Variants in TECTA observed in about 807,000 individuals in gnomAD.
TECTA encodes tectorin alpha.
TECTA carries 128 observed loss-of-function variants against 216.8 expected under a neutral mutation model. The ratio of observed to expected loss-of-function variants is 0.59; its 90% CI spans 0.51 to 0.68. The LOEUF (loss-of-function observed/expected upper bound fraction) is 0.68. TECTA is among the 30% of genes least tolerant of loss of function. The pLI, the probability that TECTA is intolerant of heterozygous loss-of-function variation, is 0.00. For synonymous variants in TECTA, 1,089 were observed against 1,117.1 expected (o/e 0.97, Z 0.50); for missense variants, 2,551 against 2,786.2 (o/e 0.92, Z 1.90).
intron 13 of TECTA, among the ~76,000 whole-genome samples, chr11:121,154,094 A>G (rs971863942): frequency 6.6e-6 from 1 of 152,260 alleles, no homozygotes; most frequent in African/African-American, 2.4e-5. Flanking sequence ...CCTATCAGCA[A>G]GTGAAAAATA....
rs648983 is a variant in TECTA at position 121,182,170 on chromosome 11, C to T, written c.6000-5662C>T. 3.1e-3 allele frequency among the ~76,000 whole-genome samples: 471 copies of T among 152,230 alleles called. 3 individuals carry two copies. Among genetic ancestry groups the T allele is most frequent in the African/African-American group, 0.011 (448 of 41,532 alleles). ...GGCCCCTGGGTGGCATTAACAAGCACTCATGGTAGAAGGTCTGGGTGGGCC... is the reference window on the plus strand; with the variant it reads ...GGCCCCTGGGTGGCATTAACAAGCATTCATGGTAGAAGGTCTGGGTGGGCC... On this transcript the variant is annotated intron_variant, in intron 20 of 23. Coordinates refer to ENST00000392793, the MANE Select transcript of TECTA (RefSeq NM_005422.4).
At position 121,191,183 on chromosome 11, in the gene TECTA, A is replaced by T. The variant is rs1947336892; in HGVS notation, c.*377A>T. The T allele has an allele frequency of 6.3e-6, 2 of 317,740 alleles. No homozygotes were observed. The highest frequency in any genetic ancestry group is 1.2e-5 in the Non-Finnish European group (2 of 165,230). 19.7% of individuals were successfully genotyped at this position (317,740 alleles called of 1,614,324 possible). A position where few individuals can be genotyped will look rare whatever the true frequency, so the allele number is the denominator to read the frequency against. ...CTATTTCTGGATCACAGTTTTTTAC[A>T]GAGAGAGGGCCTGTTGGAACGATTT... On this transcript the variant is annotated 3_prime_UTR_variant, in exon 24 of 24. Transcript: ENST00000392793.
At position 121,144,466 on chromosome 11, in the gene TECTA, G is replaced by A. The variant is rs1382594165; in HGVS notation, c.3544-1089G>A. ...CTAAGAGAGAGAGGAAGGAGGTTGG[G>A]GGAAGGGATTTCTGGTCAGAGAACA... On this transcript the variant is annotated intron_variant, in intron 11 of 23. Coordinates refer to ENST00000392793, the MANE Select transcript of TECTA (RefSeq NM_005422.4). Among the ~76,000 whole-genome samples the A allele has an allele frequency of 2.4e-4, 36 of 152,062 alleles. 1 individual carries two copies. The highest frequency in any genetic ancestry group is 2.4e-3 in the Admixed American group (36 of 15,278).
intron 21 of TECTA, 64 bp downstream of exon 21, chr11:121,188,058 G>A (rs1285269779): frequency 8.2e-6 from 13 of 1,585,228 alleles, no homozygotes; most frequent in Admixed American, 1.7e-5. Context: ...TTCCCAACAT[G>A]AGGATCGTGA....
intron 13 of TECTA, among the ~76,000 whole-genome samples, chr11:121,156,841 C>T (rs1159874015): frequency 2.0e-5 from 3 of 152,074 alleles, no homozygotes; most frequent in Non-Finnish European, 4.4e-5. Flanking sequence ...CAAAGTGACA[C>T]TGGGGAGGTG....
chr11:121,168,580 C>G (rs1947079311), intron 19 of TECTA, 97 bp from the exon 20 acceptor site: 1 of 1,596,000 alleles, frequency 6.3e-7, no homozygotes. Flanking sequence ...CTACTACGTG[C>G]TTTGCTTTCC....
chr11:121,190,025 A>G, intron 23 of TECTA, 145 bp downstream of exon 23: 3 of 702,420 alleles, frequency 4.3e-6, no homozygotes, highest in Non-Finnish European at 5.1e-6. Context: ...GATGGGGAAC[A>G]TGCCCAAGGA....
chr11:121,190,413 C>T lies in TECTA; in HGVS notation c.6368-293C>T, dbSNP rs1487730245. 3.3e-5 allele frequency among the ~76,000 whole-genome samples: 5 copies of T among 152,264 alleles called. No individual in the cohort carries two copies. In the East Asian group the frequency reaches 5.8e-4, roughly 18 times the overall value. Reference sequence around the variant, plus strand: ...CGGAGTAACTGGGACTACAGGCACACGCCACCACGCCCAGCTAATTTTTGT... The same window carrying T: ...CGGAGTAACTGGGACTACAGGCACATGCCACCACGCCCAGCTAATTTTTGT... On this transcript the variant is annotated intron_variant, in intron 23 of 23. Coordinates refer to ENST00000392793, the MANE Select transcript of TECTA (RefSeq NM_005422.4).
Position 121,105,124 on chromosome 11 carries a change from G to T in TECTA, c.65-707G>T, listed in dbSNP as rs192007220. ...TCACAGCGGGATGCAGTGTGTGTTT[G>T]TGTGATGGCTCTCCAGTGACCAGGA... On this transcript the variant is annotated intron_variant, in intron 2 of 23. Transcript: ENST00000392793. The surrounding 1 kb of genome is among the most constrained non-coding windows in gnomAD (Gnocchi z 5.3). Among the ~76,000 whole-genome samples the T allele has an allele frequency of 6.6e-6, 1 of 152,336 alleles. No individual in the cohort carries two copies. The highest frequency in any genetic ancestry group is 1.9e-4 in the East Asian group (1 of 5,188).
chr11:121,171,939 A>G (rs986157988), intron 20 of TECTA, among the ~76,000 whole-genome samples: 1 of 152,158 alleles, frequency 6.6e-6, no homozygotes, highest in African/African-American at 2.4e-5. Context: ...TAGGACTTCT[A>G]GTACTATGTT....
chr11:121,129,383 G>T (rs866799246), intron 9 of TECTA, among the ~76,000 whole-genome samples: 1 of 152,190 alleles, frequency 6.6e-6, no homozygotes, highest in Non-Finnish European at 1.5e-5. Context: ...TCACACTTTA[G>T]TTTCGTTTGT....
chr11:121,149,546 A>T (rs1459479122), intron 12 of TECTA, among the ~76,000 whole-genome samples: 1 of 152,166 alleles, frequency 6.6e-6, no homozygotes, highest in African/African-American at 2.4e-5. Flanking sequence ...TTGATGAGGG[A>T]GATATTATGA....
At chr11:121,107,827 T>C (rs550410652) in intron 3 of TECTA, among the ~76,000 whole-genome samples, 11 of 152,322 alleles carry the variant, frequency 7.2e-5, no homozygotes, top group Non-Finnish European at 1.5e-4. Context: ...CATTTACAAA[T>C]CATGAAGAAA....
At chr11:121,166,166 G>T (rs1233046223) in intron 17 of TECTA, among the ~76,000 whole-genome samples, 1 of 152,178 alleles carries the variant, frequency 6.6e-6, no homozygotes, top group Non-Finnish European at 1.5e-5. Context: ...GGGTTCTGCT[G>T]AGCTGAATCA....
chr11:121,181,599 A>G (rs1947230277), intron 20 of TECTA, among the ~76,000 whole-genome samples: 3 of 152,206 alleles, frequency 2.0e-5, no homozygotes, highest in South Asian at 4.1e-4. Flanking sequence ...CCTCCTGAGT[A>G]GCTGGGATTA....
rs769068137 is a variant in TECTA, at chr11:121,130,096, C to T, written c.2826C>T (p.Arg942=). The T allele has an allele frequency of 6.2e-7, 1 of 1,613,786 alleles. No homozygotes were observed. Among genetic ancestry groups the T allele is most frequent in the Admixed American group, 1.7e-5 (1 of 60,028 alleles). ...CCTATTACCGCACCTGCCTTTTCCG[C>T]CTGTGCCAGAGTGGGGGCAATGAGT... ...VTAYYRTCLF[R]LCQSGGNESE... Residue 942 remains arginine, a synonymous_variant, in exon 10 of 24, where the codon CGC becomes CGT. Coordinates refer to ENST00000392793, the MANE Select transcript of TECTA (RefSeq NM_005422.4).
At position 121,113,084 on chromosome 11, in the gene TECTA, C is replaced by T; in HGVS notation, c.499C>T (p.Gln167Ter). ...GSSTTPVNTF[Q>*]AVLVSDGSYT... is the part of the protein sequence containing the mutation. ...TCCCATCCTGTAGGTGAACACCTTC[C>T]AGGCCGTCCTAGTGTCCGATGGCTC... The change falls in exon 5 of 24, where the codon CAG (glutamine) becomes TAG (stop). Residue 167 changes from glutamine (Q) to a stop codon, truncating the protein, a stop_gained. Coordinates refer to ENST00000392793, the MANE Select transcript of TECTA (RefSeq NM_005422.4). LOFTEE classifies it high-confidence loss of function. This position sits in a 1 kb window ranked among gnomAD's most constrained non-coding sequence, Gnocchi z 4.2. The T allele has an allele frequency of 1.9e-6, 3 of 1,614,146 alleles. No homozygotes were observed. The highest frequency in any genetic ancestry group is 2.5e-6 in the Non-Finnish European group (3 of 1,180,028).
intron 20 of TECTA, among the ~76,000 whole-genome samples, chr11:121,169,173 T>G (rs1352082328): frequency 4.6e-5 from 7 of 152,220 alleles, no homozygotes; most frequent in Admixed American, 4.6e-4. Flanking sequence ...CACGTCCATG[T>G]GGCATTAACT....
At chr11:121,114,225 TCTC>T (rs1347953708) in intron 6 of TECTA, among the ~76,000 whole-genome samples, 1 of 152,138 alleles carries the variant, frequency 6.6e-6, no homozygotes, top group Non-Finnish European at 1.5e-5. Flanking sequence ...AAACAAAAGT[TCTC>T]CTAAAATCTT....
Sources: gnomAD v4.1 joint callset for allele counts (sites outside exome capture counted in the v4.1 genomes callset) on GRCh38, gnomAD v4.1.1 for gene constraint, Gnocchi (gnomAD v3.1) non-coding constraint, MANE v1.5 for transcripts, NCBI Gene and HGNC (gene_info 2026-07-23, HGNC 2026-07-21) for gene names.